The following IL16 variants were observed in gnomAD, a reference collection of about 807,000 sequenced individuals.
The protein encoded by IL16 is interleukin 16.
A neutral mutation model predicts 110.1 loss-of-function variants in IL16; 67 were observed. The observed-to-expected ratio is 0.61, with a 90% CI of 0.50 to 0.75. The LOEUF (loss-of-function observed/expected upper bound fraction) is 0.75, where lower values mean the gene tolerates loss of function less well. IL16 is among the 30% of genes least tolerant of loss of function. IL16 has a pLI of 0.00. For missense variants in IL16, 1,545 were observed against 1,655.0 expected (o/e 0.93, Z 1.15); for synonymous variants, 689 against 662.9 (o/e 1.04, Z -0.61).
In IL16 at chr15:81,251,116, A is replaced by G. The variant is rs146513946; in HGVS notation, c.313-8656A>G. Among the ~76,000 whole-genome samples, 1,120 of 152,124 alleles carry G rather than the reference A, an allele frequency of 7.4e-3. 11 individuals carry two copies. The highest frequency in any genetic ancestry group is 0.011 in the Non-Finnish European group (714 of 67,992). ...TTTGGCCTCCAGGTATTCCTTACCCATTTGCTATTTTGTTGATACATTTAC... is the reference window on the plus strand; with the variant it reads ...TTTGGCCTCCAGGTATTCCTTACCCGTTTGCTATTTTGTTGATACATTTAC... On this transcript the variant is annotated intron_variant, in intron 2 of 18. Transcript: ENST00000683961.
At chr15:81,283,228 A>C (rs1242250164) in intron 9 of IL16, among the ~76,000 whole-genome samples, 1 of 152,152 alleles carries the variant, frequency 6.6e-6, no homozygotes, top group Non-Finnish European at 1.5e-5. Context: ...GAGAAATTCC[A>C]GGGCTGGGCC....
chr15:81,265,669 C>A lies in IL16; in HGVS notation c.432C>A (p.Pro144=). ...RARSNSTSVN[P]YCTREIDFPM... is the part of the protein sequence containing the mutation. Reference sequence around the variant, plus strand: ...CCTCTTCTGGTTTAGGTGTTAATCCCTATTGCACAAGAGAAATTGATTTTC... The same window carrying A: ...CCTCTTCTGGTTTAGGTGTTAATCCATATTGCACAAGAGAAATTGATTTTC... The change falls in exon 4 of 19, where the codon CCC becomes CCA. Residue 144 remains proline, a synonymous_variant. Coordinates refer to ENST00000683961, the MANE Select transcript of IL16 (RefSeq NM_172217.5). The A allele has an allele frequency of 6.2e-7, 1 of 1,613,994 alleles. No individual in the cohort carries two copies. Among genetic ancestry groups the A allele is most frequent in the Non-Finnish European group, 8.5e-7 (1 of 1,179,940 alleles).
intron 1 of IL16, among the ~76,000 whole-genome samples, chr15:81,208,063 T>C (rs1358198842): frequency 2.0e-5 from 3 of 152,220 alleles, no homozygotes; most frequent in Non-Finnish European, 4.4e-5. Context: ...TTTTAATAAC[T>C]GTCATTCTGA....
upstream of IL16, among the ~76,000 whole-genome samples, chr15:81,195,519 G>A (rs1895574559): frequency 6.6e-6 from 1 of 152,190 alleles, no homozygotes; most frequent in South Asian, 2.1e-4. Flanking sequence ...AATGTCCCCT[G>A]TGCCTGCTGA....
Position 81,235,171 on chromosome 15 carries a change from A to T in IL16, c.312+9460A>T, listed in dbSNP as rs556806885. Among the ~76,000 whole-genome samples, 21 of 152,318 alleles carry T rather than the reference A, an allele frequency of 1.4e-4. No individual in the cohort carries two copies. In the South Asian group the frequency reaches 4.1e-3, roughly 30 times the overall value. ...CTCCATTGATAGCACAGACCCAGAG[A>T]AAAGATAAGGTTGGGGGCTGTGTTA... On this transcript the variant is annotated intron_variant, in intron 2 of 18. Transcript: ENST00000683961.
chr15:81,207,160 C>G (rs914489400), intron 1 of IL16, among the ~76,000 whole-genome samples: 3 of 150,702 alleles, frequency 2.0e-5, no homozygotes, highest in Admixed American at 6.6e-5. Flanking sequence ...ATGGCGTGAA[C>G]CTGGGAGGCA....
intron 1 of IL16, among the ~76,000 whole-genome samples, chr15:81,186,060 T>A (rs984037533): frequency 6.6e-6 from 1 of 152,128 alleles, no homozygotes; most frequent in Non-Finnish European, 1.5e-5. Flanking sequence ...CAGCCAGTTG[T>A]CTCTGTTCCC....
intron 9 of IL16, among the ~76,000 whole-genome samples, chr15:81,283,139 C>T (rs1467514231): frequency 1.3e-5 from 2 of 152,200 alleles, no homozygotes; most frequent in Non-Finnish European, 2.9e-5. Flanking sequence ...CTGCCAGGAC[C>T]AGACCGAGGT....
chr15:81,257,047 C>G (rs1212576094), intron 2 of IL16, among the ~76,000 whole-genome samples: 1 of 152,206 alleles, frequency 6.6e-6, no homozygotes, highest in African/African-American at 2.4e-5. Context: ...TCTGGCAATA[C>G]AGAGTCTCAA....
chr15:81,296,849 C>A, intron 12 of IL16, 79 bp from the exon 13 acceptor site: 3 of 1,308,506 alleles, frequency 2.3e-6, no homozygotes, highest in Non-Finnish European at 3.2e-6. Flanking sequence ...GTTTTTCCGT[C>A]CCAATCAAAG....
At chr15:81,199,496 G>A (rs913480682) in intron 1 of IL16, among the ~76,000 whole-genome samples, 10 of 152,208 alleles carry the variant, frequency 6.6e-5, no homozygotes, top group African/African-American at 1.9e-4. Flanking sequence ...GGAGCAACTG[G>A]TAATGCTGGA....
chr15:81,189,120 A>ATTTT (rs34519204), intron 1 of IL16, among the ~76,000 whole-genome samples: 1 of 126,896 alleles, frequency 7.9e-6, no homozygotes, highest in Non-Finnish European at 1.6e-5. Context: ...TGCCAAGATA[A>ATTTT]TTTTTTTTTT....
intron 10 of IL16, chr15:81,290,163 T>C (rs565719367): frequency 1.1e-5 from 5 of 450,724 alleles, no homozygotes; most frequent in East Asian, 3.8e-5. Flanking sequence ...ACCTATGAAG[T>C]GGTAACTTTG....
chr15:81,244,889 A>G (rs969848900), intron 2 of IL16, among the ~76,000 whole-genome samples: 1 of 151,876 alleles, frequency 6.6e-6, no homozygotes, highest in Admixed American at 6.6e-5. Flanking sequence ...TCTTGTTCAG[A>G]TTGAGTAATT....
At chr15:81,187,726 C>G (rs969986430) in intron 1 of IL16, among the ~76,000 whole-genome samples, 7 of 152,194 alleles carry the variant, frequency 4.6e-5, no homozygotes, top group African/African-American at 1.7e-4. Context: ...AAGTATGGCA[C>G]CTGCTTTGTC....
At chr15:81,304,760 T>A (rs1002071709) in intron 16 of IL16, among the ~76,000 whole-genome samples, 10 of 152,200 alleles carry the variant, frequency 6.6e-5, no homozygotes, top group African/African-American at 2.4e-4. Flanking sequence ...GAGGAGAGGT[T>A]CTGCTTCATG....
intron 2 of IL16, among the ~76,000 whole-genome samples, chr15:81,232,971 A>G (rs1435432181): frequency 6.6e-6 from 1 of 152,180 alleles, no homozygotes; most frequent in South Asian, 2.1e-4. Context: ...GAATTCACCT[A>G]TGAGCCGTCT....
rs932122970 is a variant in IL16 at position 81,313,473 on chromosome 15, G to A, written c.*4675G>A. 83 of 1,406,702 alleles carry A rather than the reference G, an allele frequency of 5.9e-5. 1 individual carries two copies. In the African/African-American group the frequency reaches 1.0e-3, roughly 18 times the overall value. The allele number at this position is 1,406,702 out of a possible 1,614,324, so 87.1% of individuals were successfully genotyped here. ...TGCTGGGGACGAGCGCCAGGCAGGT[G>A]AGCAGAGCCCAGCCCAGTGGAAATG... is the stretch of plus-strand genomic sequence containing the variant. On this transcript the variant is annotated 3_prime_UTR_variant, in exon 19 of 19. Coordinates refer to ENST00000683961, the MANE Select transcript of IL16 (RefSeq NM_172217.5).
upstream of IL16, among the ~76,000 whole-genome samples, chr15:81,192,833 G>A (rs917353952): frequency 2.0e-5 from 3 of 152,088 alleles, no homozygotes; most frequent in East Asian, 1.9e-4. Flanking sequence ...GGAGAGAAGC[G>A]GAAAGAAAGT....
Sources: gnomAD v4.1 joint callset for allele counts (sites outside exome capture counted in the v4.1 genomes callset) on GRCh38, gnomAD v4.1.1 for gene constraint, MANE v1.5 for transcripts, NCBI Gene and HGNC (gene_info 2026-07-23, HGNC 2026-07-21) for gene names.